RAB3GAP2: variants seen among roughly 807,000 people sequenced by gnomAD.
RAB3GAP2 encodes the protein RAB3 GTPase activating non-catalytic protein subunit 2.
A neutral mutation model predicts 185.3 loss-of-function variants in RAB3GAP2; 87 were observed. The ratio of observed to expected loss-of-function variants is 0.47; its 90% CI spans 0.39 to 0.56. The LOEUF is 0.56. Ranked by LOEUF, RAB3GAP2 falls within the 20% of genes least tolerant of loss-of-function variation. RAB3GAP2 has a pLI of 0.00. For missense variants in RAB3GAP2, 1,492 were observed against 1,638.2 expected (o/e 0.91, Z 1.54); for synonymous variants, 554 against 576.1 (o/e 0.96, Z 0.55).
intron 28 of RAB3GAP2, among the ~76,000 whole-genome samples, chr1:220,161,252 T>C (rs1172892802): frequency 1.3e-5 from 2 of 151,908 alleles, no homozygotes; most frequent in African/African-American, 4.8e-5. Context: ...TCAAAGAGAG[T>C]AATTTCAAGG....
intron 1 of RAB3GAP2, among the ~76,000 whole-genome samples, chr1:220,245,284 ACAGTGGGCGCAGGC>A (rs1306191541): frequency 2.0e-5 from 3 of 152,236 alleles, no homozygotes; most frequent in Admixed American, 2.0e-4. Context: ...GGAGTGCCAG[ACAGTGGGCGCAGGC>A]CAGTGGGTGC....
intron 1 of RAB3GAP2, among the ~76,000 whole-genome samples, chr1:220,264,051 C>T (rs956427009): frequency 5.9e-5 from 9 of 151,824 alleles, no homozygotes; most frequent in African/African-American, 2.2e-4. Context: ...AAAAAAAATG[C>T]TGACCTTCTC....
chr1:220,184,011 T>C (rs1361256170), intron 19 of RAB3GAP2, 25 bp downstream of exon 19: 1 of 1,448,280 alleles, frequency 6.9e-7, no homozygotes, highest in East Asian at 2.5e-5. Flanking sequence ...TTATTTTATA[T>C]AATATAAAAT....
intron 32 of RAB3GAP2, 160 bp downstream of exon 32, chr1:220,153,808 G>A: frequency 1.1e-6 from 1 of 905,688 alleles, no homozygotes; most frequent in Non-Finnish European, 1.6e-6. Context: ...GTGTCCAAGT[G>A]TTCTCATTGT....
chr1:220,257,376 T>A (rs1241003441), intron 1 of RAB3GAP2, among the ~76,000 whole-genome samples: 1 of 148,582 alleles, frequency 6.7e-6, no homozygotes, highest in Non-Finnish European at 1.5e-5. Context: ...AGACTCCATC[T>A]CAAAAAAAAA....
intron 1 of RAB3GAP2, among the ~76,000 whole-genome samples, chr1:220,248,302 T>C (rs913995281): frequency 5.3e-5 from 8 of 152,186 alleles, no homozygotes; most frequent in African/African-American, 1.9e-4. Context: ...ATGGTAAATA[T>C]GGCTGATAAT....
chr1:220,267,574 C>A (rs1401985547), intron 1 of RAB3GAP2: 1 of 1,361,666 alleles, frequency 7.3e-7, no homozygotes, highest in Non-Finnish European at 1.1e-6. Context: ...TGTTTTGATG[C>A]CAGTTCCTCC....
At chr1:220,234,300 G>C (rs1659554355) in intron 1 of RAB3GAP2, among the ~76,000 whole-genome samples, 1 of 152,156 alleles carries the variant, frequency 6.6e-6, no homozygotes, top group African/African-American at 2.4e-5. Flanking sequence ...TAAAAGATGG[G>C]ACTGATCCTG....
At chr1:220,160,031 A>G (rs769862966) in intron 28 of RAB3GAP2, among the ~76,000 whole-genome samples, 3 of 151,542 alleles carry the variant, frequency 2.0e-5, no homozygotes, top group Admixed American at 2.0e-4. Flanking sequence ...CTACCAAAGA[A>G]AAACTAAAAA....
At chr1:220,251,804 C>A (rs1024456540) in intron 1 of RAB3GAP2, among the ~76,000 whole-genome samples, 1 of 152,080 alleles carries the variant, frequency 6.6e-6, no homozygotes, top group Admixed American at 6.5e-5. Context: ...ACTGATCAGG[C>A]AATTATTAAA....
At chr1:220,165,072 T>C (rs1658039787) in intron 26 of RAB3GAP2, among the ~76,000 whole-genome samples, 1 of 151,624 alleles carries the variant, frequency 6.6e-6, no homozygotes, top group African/African-American at 2.4e-5. Context: ...ATCATAGCAA[T>C]ATTCTCTCCA....
chr1:220,224,419 G>A (rs887801954), intron 2 of RAB3GAP2, among the ~76,000 whole-genome samples: 7 of 152,198 alleles, frequency 4.6e-5, no homozygotes, highest in Admixed American at 2.6e-4. Context: ...CAGCAGAAGC[G>A]TGATTAAATA....
Position 220,157,444 on chromosome 1 carries a change from A to G in RAB3GAP2, c.3381T>C (p.Thr1127=), listed in dbSNP as rs1426602067. 2 of 1,613,864 alleles carry G rather than the reference A, an allele frequency of 1.2e-6. No individual in the cohort carries two copies. Among genetic ancestry groups the G allele is most frequent in the Non-Finnish European group, 1.7e-6 (2 of 1,180,020 alleles). The change falls in exon 31 of 35, where the codon ACT becomes ACC. Residue 1127 remains threonine, a synonymous_variant. Coordinates refer to ENST00000358951, the MANE Select transcript of RAB3GAP2 (RefSeq NM_012414.4). ...CTTCCACGGAGAGCCACGCATCCTC[A>G]GTATCCAGCACAGGCACCTGTATTT... ...RDEIQVPVLD[T]EDAWLSVEGP...
At position 220,151,231 on chromosome 1, in the gene RAB3GAP2, C is replaced by T. The variant is rs1021527971; in HGVS notation, c.*20G>A. The T allele has an allele frequency of 6.2e-7, 1 of 1,608,468 alleles. No individual in the cohort carries two copies. Among genetic ancestry groups the T allele is most frequent in the Non-Finnish European group, 8.5e-7 (1 of 1,175,526 alleles). Reference sequence around the variant, plus strand: ...TTCATGTTATAATCATAATTTTAGACTATTTCCAGTAGGTAAGTGTCATAA... The same window carrying T: ...TTCATGTTATAATCATAATTTTAGATTATTTCCAGTAGGTAAGTGTCATAA... On this transcript the variant is annotated 3_prime_UTR_variant, in exon 35 of 35. Coordinates refer to ENST00000358951, the MANE Select transcript of RAB3GAP2 (RefSeq NM_012414.4).
intron 28 of RAB3GAP2, among the ~76,000 whole-genome samples, chr1:220,161,162 G>A (rs374602945): frequency 1.3e-5 from 2 of 152,228 alleles, no homozygotes; most frequent in Middle Eastern, 3.4e-3. Flanking sequence ...CAAGTTCCAA[G>A]AAAGAAGCTA....
chr1:220,149,308 C>A lies in RAB3GAP2; in HGVS notation c.*1943G>T, dbSNP rs1284428528. ...TTGTGTTAGGATTCTGTGAGCCATA[C>A]TTCAGCTTATTATTGTTCTCAGCAA... is the stretch of plus-strand genomic sequence containing the variant. On this transcript the variant is annotated 3_prime_UTR_variant, in exon 35 of 35. Transcript: ENST00000358951. The A allele has an allele frequency of 6.6e-6, 1 of 152,146 alleles. No homozygotes were observed. The highest frequency in any genetic ancestry group is 1.5e-5 in the Non-Finnish European group (1 of 68,036). 9.4% of individuals were successfully genotyped at this position (152,146 alleles called of 1,614,324 possible).
intron 22 of RAB3GAP2, 117 bp from the exon 23 acceptor site, chr1:220,172,166 T>A: frequency 9.9e-7 from 1 of 1,013,130 alleles, no homozygotes; most frequent in Non-Finnish European, 1.5e-6. Flanking sequence ...TTTTTGTATT[T>A]CTCAATGAAG....
Position 220,157,472 on chromosome 1 carries a change from T to C in RAB3GAP2, c.3353A>G (p.Asp1118Gly). ...ATCCAGCACAGGCACCTGTATTTCA[T>C]CCCTGCTAACATCTGCCTAAGGGTT... ...QILMEADVSR[D>G]EIQVPVLDTE... Residue 1118 changes from aspartate (D) to glycine (G), a missense_variant, in exon 31 of 35, where the codon GAT (aspartate) becomes GGT (glycine). This residue lies in a region of RAB3GAP2 where 387 missense variants were observed against 455.3 expected (regional missense o/e 0.85). Coordinates refer to ENST00000358951, the MANE Select transcript of RAB3GAP2 (RefSeq NM_012414.4). The C allele has an allele frequency of 1.2e-6, 2 of 1,613,438 alleles. No homozygotes were observed. Among genetic ancestry groups the C allele is most frequent in the African/African-American group, 2.7e-5 (2 of 74,980 alleles).
rs567460174 is a variant in RAB3GAP2 at position 220,150,471 on chromosome 1, T to C, written c.*780A>G. On this transcript the variant is annotated 3_prime_UTR_variant, in exon 35 of 35. Transcript: ENST00000358951. ...TTTGCCTTTTTTTTTTTTTTTTTTT[T>C]ACATAAGTTTTACAAGATAATACAT... The C allele has an allele frequency of 6.8e-6, 1 of 147,556 alleles. No homozygotes were observed. The highest frequency in any genetic ancestry group is 1.5e-5 in the Non-Finnish European group (1 of 67,158). The allele number at this position is 147,556 out of a possible 1,614,324, so 9.1% of individuals were successfully genotyped here. A position where few individuals can be genotyped will look rare whatever the true frequency, so the allele number is the denominator to read the frequency against.
Sources: gnomAD v4.1 joint callset for allele counts (sites outside exome capture counted in the v4.1 genomes callset) on GRCh38, gnomAD v4.1.1 for gene constraint, gnomAD v4.1.1 regional missense constraint, MANE v1.5 for transcripts, NCBI Gene and HGNC (gene_info 2026-07-23, HGNC 2026-07-21) for gene names.